ANAPC10: variants seen among roughly 807,000 people sequenced by gnomAD.
ANAPC10 encodes the protein anaphase promoting complex subunit 10.
A neutral mutation model predicts 22.0 loss-of-function variants in ANAPC10; 12 were observed. That is an observed-to-expected ratio of 0.55 (90% CI 0.35 to 0.88). The LOEUF (loss-of-function observed/expected upper bound fraction) is 0.88, where lower values mean the gene tolerates loss of function less well. ANAPC10 is among the 40% of genes least tolerant of loss of function. The pLI is 0.01. For missense variants in ANAPC10, 188 were observed against 220.9 expected, an observed-to-expected ratio of 0.85 and a Z score of 0.94; for synonymous variants, 65 against 69.5, an observed-to-expected ratio of 0.94 and a Z score of 0.32.
At chr4:145,093,816 T>TA (rs1379960661) in intron 2 of ANAPC10, among the ~76,000 whole-genome samples, 2 of 150,554 alleles carry the variant, frequency 1.3e-5, no homozygotes, top group African/African-American at 4.9e-5. Flanking sequence ...TGAAAAAAAA[T>TA]AGAGTACCCA....
intron 2 of ANAPC10, among the ~76,000 whole-genome samples, chr4:145,083,937 T>C (rs1196803161): frequency 2.6e-5 from 4 of 152,216 alleles, no homozygotes; most frequent in Non-Finnish European, 4.4e-5. Context: ...CTTAGGTCTT[T>C]TGATTATTCA....
rs1454174132 is a variant in ANAPC10 at position 145,018,506 on chromosome 4, C to T, written c.328-22903G>A. ...AAAAAAAATAAGCCAGGCATGGTGG[C>T]AGGCACCTATAATCCCAACTACTTA... On this transcript the variant is annotated intron_variant, in intron 4 of 4. Coordinates refer to ENST00000507656, the MANE Select transcript of ANAPC10 (RefSeq NM_001256706.2). 5.9e-5 allele frequency among the ~76,000 whole-genome samples: 9 copies of T among 152,122 alleles called. No homozygotes were observed. In the South Asian group the frequency reaches 1.9e-3, roughly 32 times the overall value.
At chr4:145,065,018 T>C (rs1743470571) in intron 3 of ANAPC10, among the ~76,000 whole-genome samples, 1 of 152,120 alleles carries the variant, frequency 6.6e-6, no homozygotes, top group South Asian at 2.1e-4. Context: ...CCTCTTCATT[T>C]GTATTTTAGA....
chr4:145,008,216 T>C (rs1466543707), intron 4 of ANAPC10, among the ~76,000 whole-genome samples: 2 of 151,986 alleles, frequency 1.3e-5, no homozygotes, highest in African/African-American at 4.8e-5. Flanking sequence ...CCAAAACAAG[T>C]CCAGGACCAG....
chr4:145,077,060 G>A (rs578048732), intron 3 of ANAPC10, among the ~76,000 whole-genome samples: 8 of 152,268 alleles, frequency 5.3e-5, no homozygotes, highest in South Asian at 2.1e-4. Flanking sequence ...TTAGGTGGGC[G>A]TGGTGGCAGG....
intron 4 of ANAPC10, among the ~76,000 whole-genome samples, chr4:145,060,466 A>C (rs1438783959): frequency 6.6e-6 from 1 of 152,090 alleles, no homozygotes; most frequent in Non-Finnish European, 1.5e-5. Context: ...TTTATTGCTA[A>C]ATAAGGCAGC....
chr4:145,055,579 A>AT (rs1741941320), intron 4 of ANAPC10, among the ~76,000 whole-genome samples: 1 of 152,030 alleles, frequency 6.6e-6, no homozygotes, highest in South Asian at 2.1e-4. Flanking sequence ...AAAAAATTAA[A>AT]TAAAAAAAAA....
intron 4 of ANAPC10, among the ~76,000 whole-genome samples, chr4:145,002,328 C>T (rs1218509447): frequency 6.6e-6 from 1 of 152,098 alleles, no homozygotes; most frequent in Non-Finnish European, 1.5e-5. Context: ...GAAAGACAGA[C>T]TCCAACTCAA....
At chr4:145,045,802 G>A (rs1211403584) in intron 4 of ANAPC10, among the ~76,000 whole-genome samples, 3 of 151,988 alleles carry the variant, frequency 2.0e-5, no homozygotes, top group African/African-American at 4.8e-5. Flanking sequence ...AGCCCACAAA[G>A]AAGTAAAAAG....
In ANAPC10 at chr4:145,040,904, T is replaced by C. The variant is rs562431732; in HGVS notation, c.327+23668A>G. Among the ~76,000 whole-genome samples, 56 of 152,316 alleles carry C rather than the reference T, an allele frequency of 3.7e-4. No homozygotes were observed. The Middle Eastern group carries it at 0.01, about 28-fold the overall frequency. On this transcript the variant is annotated intron_variant, in intron 4 of 4. Coordinates refer to ENST00000507656, the MANE Select transcript of ANAPC10 (RefSeq NM_001256706.2). The stretch of plus-strand genomic sequence containing the variant: ...ATTCAACTGGGTGAAAGTCTCATAA[T>C]ACTTATTGTTTTATATTATTAGTTA...
In ANAPC10 at chr4:145,017,437, T is replaced by C. The variant is rs1177827030; in HGVS notation, c.328-21834A>G. On this transcript the variant is annotated intron_variant, in intron 4 of 4. Coordinates refer to ENST00000507656, the MANE Select transcript of ANAPC10 (RefSeq NM_001256706.2). ...ACAATGAGATACTATCTCACACCAGTTAGAATGGCGATCATTAAAAAGTCA... is the reference window on the plus strand; with the variant it reads ...ACAATGAGATACTATCTCACACCAGCTAGAATGGCGATCATTAAAAAGTCA... Among the ~76,000 whole-genome samples, 12 of 152,262 alleles carry C rather than the reference T, an allele frequency of 7.9e-5. No individual in the cohort carries two copies. The East Asian group carries it at 2.3e-3, about 29-fold the overall frequency.
At chr4:145,047,244 T>C (rs1047862538) in intron 4 of ANAPC10, among the ~76,000 whole-genome samples, 22 of 152,252 alleles carry the variant, frequency 1.4e-4, no homozygotes, top group African/African-American at 5.1e-4. Flanking sequence ...AAAGACAATC[T>C]AGAAACATGT....
At chr4:145,060,185 A>G (rs902577683) in intron 4 of ANAPC10, among the ~76,000 whole-genome samples, 6 of 152,124 alleles carry the variant, frequency 3.9e-5, no homozygotes, top group Admixed American at 3.3e-4. Flanking sequence ...TATTTTGAAT[A>G]CAAGAAAGTA....
intron 4 of ANAPC10, among the ~76,000 whole-genome samples, chr4:144,997,193 A>C (rs1260833137): frequency 1.3e-5 from 2 of 152,190 alleles, no homozygotes; most frequent in African/African-American, 4.8e-5. Flanking sequence ...AACTTCCCCA[A>C]TCTAGCAAGG....
intron 4 of ANAPC10, among the ~76,000 whole-genome samples, chr4:145,022,505 G>T (rs1323911768): frequency 6.6e-6 from 1 of 151,946 alleles, no homozygotes; most frequent in Non-Finnish European, 1.5e-5. Flanking sequence ...GGACTTTGGG[G>T]ACTTGGGGGA....
intron 3 of ANAPC10, among the ~76,000 whole-genome samples, chr4:145,066,415 T>C (rs552255983): frequency 6.6e-6 from 1 of 151,718 alleles, no homozygotes; most frequent in Admixed American, 6.6e-5. Context: ...TGATGAGCCA[T>C]AAGCAGGAAG....
chr4:145,002,592 A>C (rs1419807817), intron 4 of ANAPC10, among the ~76,000 whole-genome samples: 1 of 152,150 alleles, frequency 6.6e-6, no homozygotes, highest in East Asian at 1.9e-4. Context: ...GAACAACTAG[A>C]TAGAGTGTTC....
chr4:145,058,408 C>T (rs543131502), intron 4 of ANAPC10, among the ~76,000 whole-genome samples: 12 of 152,226 alleles, frequency 7.9e-5, no homozygotes, highest in African/African-American at 2.9e-4. Flanking sequence ...CTTTAAAAAC[C>T]ACAAAACAAT....
At chr4:145,069,313 T>C (rs1031299381) in intron 3 of ANAPC10, among the ~76,000 whole-genome samples, 1 of 152,148 alleles carries the variant, frequency 6.6e-6, no homozygotes, top group Non-Finnish European at 1.5e-5. Context: ...GAGAATCTAG[T>C]AGTCTACTGA....
Sources: allele counts gnomAD v4.1 joint callset (sites outside exome capture counted in the v4.1 genomes callset), GRCh38; gene constraint gnomAD v4.1.1; transcripts MANE v1.5; gene names NCBI Gene and HGNC (gene_info 2026-07-23, HGNC 2026-07-21).